RFX3: variants seen among roughly 807,000 people sequenced by gnomAD.
RFX3 encodes regulatory factor X3.
RFX3 carries 14 observed loss-of-function variants against 98.6 expected under a neutral mutation model. The ratio of observed to expected loss-of-function variants is 0.14; its 90% confidence interval spans 0.09 to 0.22. The LOEUF (loss-of-function observed/expected upper bound fraction) is 0.22. Ranked by LOEUF, RFX3 falls within the 10% of genes least tolerant of loss-of-function variation. The pLI is 1.00. For missense variants in RFX3, 639 were observed against 926.9 expected, an observed-to-expected ratio of 0.69 and a Z score of 4.03; for synonymous variants, 383 against 328.4, an observed-to-expected ratio of 1.17 and a Z score of -1.80.
intron 2 of RFX3, among the ~76,000 whole-genome samples, chr9:3,385,229 C>T (rs1183712749): frequency 6.6e-6 from 1 of 152,066 alleles, no homozygotes; most frequent in Non-Finnish European, 1.5e-5. Context: ...CTATTTTCTA[C>T]TCATGTAAAA....
At position 3,474,991 on chromosome 9, in the gene RFX3, C is replaced by T. The variant is rs191744939; in HGVS notation, c.-9+50756G>A. On this transcript the variant is annotated intron_variant, in intron 1 of 16. Coordinates refer to ENST00000617270, the MANE Select transcript of RFX3 (RefSeq NM_001282116.2). The stretch of plus-strand genomic sequence containing the variant: ...ACACATGCCTATAGTCCTAGCTACT[C>T]GGGAGGCTGAGGCAGGAAGATTGCT... Among the ~76,000 whole-genome samples the T allele has an allele frequency of 1.4e-3, 207 of 151,306 alleles. 2 individuals are homozygous for T. The highest frequency in any genetic ancestry group is 0.012 in the Admixed American group (189 of 15,176).
intron 9 of RFX3, among the ~76,000 whole-genome samples, chr9:3,271,545 TTCTCTCTTTCTC>T (rs1824461294): frequency 1.8e-5 from 1 of 55,524 alleles, no homozygotes; most frequent in African/African-American, 4.7e-5. Flanking sequence ...CTCTTTCTCT[TTCTCTCTTTCTC>T]TCTCTCTTTC....
chr9:3,346,612 T>C (rs1834466325), intron 3 of RFX3, 55 bp downstream of exon 3: 2 of 1,113,274 alleles, frequency 1.8e-6, no homozygotes, highest in East Asian at 4.7e-5. Flanking sequence ...TGTTCAAAAG[T>C]ACATTATTTT....
chr9:3,449,098 T>A (rs1846324173), intron 1 of RFX3, among the ~76,000 whole-genome samples: 1 of 152,136 alleles, frequency 6.6e-6, no homozygotes, highest in Admixed American at 6.5e-5. Context: ...CCTCATTTTT[T>A]CCATCTGTCA....
chr9:3,320,398 A>G (rs1831125663), intron 4 of RFX3, among the ~76,000 whole-genome samples: 1 of 151,886 alleles, frequency 6.6e-6, no homozygotes, highest in South Asian at 2.1e-4. Context: ...ACCAAAAATT[A>G]CAAAAGCTAG....
intron 1 of RFX3, among the ~76,000 whole-genome samples, chr9:3,458,164 TA>T (rs1766943817): frequency 6.6e-6 from 1 of 152,154 alleles, no homozygotes; most frequent in Admixed American, 6.5e-5. Context: ...GCATGAAGTG[TA>T]ATTCCAAGAG....
At chr9:3,508,595 C>G (rs971089522) in intron 1 of RFX3, among the ~76,000 whole-genome samples, 1 of 152,042 alleles carries the variant, frequency 6.6e-6, no homozygotes, top group South Asian at 2.1e-4. Context: ...TTTCATCATA[C>G]TTTCGTTTAT....
At chr9:3,346,912 C>T in intron 2 of RFX3, 148 bp from the exon 3 acceptor site, 1 of 625,402 alleles carries the variant, frequency 1.6e-6, no homozygotes, top group Non-Finnish European at 2.9e-6. Flanking sequence ...GTCATAGTTT[C>T]AAGATAAGCA....
chr9:3,381,346 A>G (rs973013692), intron 2 of RFX3, among the ~76,000 whole-genome samples: 1 of 152,108 alleles, frequency 6.6e-6, no homozygotes, highest in East Asian at 1.9e-4. Context: ...ATCAATAAAA[A>G]GATTATTACT....
chr9:3,267,433 T>C (rs749560398), intron 11 of RFX3, among the ~76,000 whole-genome samples: 3 of 151,998 alleles, frequency 2.0e-5, no homozygotes, highest in African/African-American at 4.8e-5. Context: ...TGATTCTCTA[T>C]GCTTCTGTTA....
chr9:3,316,168 C>A (rs554879996), intron 4 of RFX3, among the ~76,000 whole-genome samples: 1 of 152,186 alleles, frequency 6.6e-6, no homozygotes, highest in African/African-American at 2.4e-5. Flanking sequence ...ATCTAAAACC[C>A]TATCTACCAC....
At chr9:3,485,746 T>C (rs1850208781) in intron 1 of RFX3, among the ~76,000 whole-genome samples, 1 of 152,142 alleles carries the variant, frequency 6.6e-6, no homozygotes, top group Non-Finnish European at 1.5e-5. Flanking sequence ...TAAGAGAATA[T>C]TCATAAATAC....
chr9:3,402,828 T>C (rs1445982257), intron 1 of RFX3, among the ~76,000 whole-genome samples: 1 of 151,868 alleles, frequency 6.6e-6, no homozygotes, highest in Non-Finnish European at 1.5e-5. Flanking sequence ...AGGAAATTAC[T>C]GACATTTAAC....
At chr9:3,371,212 A>T (rs1468513211) in intron 2 of RFX3, among the ~76,000 whole-genome samples, 1 of 152,146 alleles carries the variant, frequency 6.6e-6, no homozygotes, top group Non-Finnish European at 1.5e-5. Flanking sequence ...AAAAATTCAG[A>T]TGTCTCTGTT....
chr9:3,407,736 G>A (rs1842090620), intron 1 of RFX3, among the ~76,000 whole-genome samples: 1 of 152,058 alleles, frequency 6.6e-6, no homozygotes, highest in Admixed American at 6.6e-5. Context: ...AGTTTTCCGT[G>A]ATAGATCATC....
At chr9:3,373,284 G>A (rs780092486) in intron 2 of RFX3, among the ~76,000 whole-genome samples, 3 of 151,822 alleles carry the variant, frequency 2.0e-5, no homozygotes, top group African/African-American at 4.8e-5. Flanking sequence ...CAAAATCAAC[G>A]GAAGTCCATC....
At chr9:3,507,037 T>C (rs957688484) in intron 1 of RFX3, among the ~76,000 whole-genome samples, 2 of 151,922 alleles carry the variant, frequency 1.3e-5, no homozygotes, top group Non-Finnish European at 2.9e-5. Context: ...CAACTATTCA[T>C]TGTTTCTACT....
At chr9:3,397,377 A>G (rs1006980438) in intron 1 of RFX3, among the ~76,000 whole-genome samples, 2 of 152,256 alleles carry the variant, frequency 1.3e-5, no homozygotes, top group Non-Finnish European at 2.9e-5. Context: ...TATGAAATAC[A>G]GTGAACATTA....
At chr9:3,504,910 A>G (rs1242256578) in intron 1 of RFX3, among the ~76,000 whole-genome samples, 1 of 72,778 alleles carries the variant, frequency 1.4e-5, no homozygotes, top group African/African-American at 7.0e-5. Context: ...TTATATATAT[A>G]TATAATATAA....
Sources: allele counts gnomAD v4.1 joint callset (sites outside exome capture counted in the v4.1 genomes callset), GRCh38; gene constraint gnomAD v4.1.1; transcripts MANE v1.5; gene names NCBI Gene and HGNC (gene_info 2026-07-23, HGNC 2026-07-21).